Variants in ZNF316 observed in about 807,000 individuals in gnomAD.
ZNF316 encodes the protein zinc finger protein 316.
Under a neutral mutation model 75.6 loss-of-function variants are expected in ZNF316, and 23 were observed. The ratio of observed to expected loss-of-function variants is 0.30; its 90% CI spans 0.22 to 0.43. ZNF316 has a LOEUF of 0.43. Ranked by LOEUF, ZNF316 falls within the 20% of genes least tolerant of loss-of-function variation. ZNF316 has a pLI of 1.00. For synonymous variants in ZNF316, 827 were observed against 666.2 expected (o/e 1.24, Z -3.72); for missense variants, 1,266 against 1,409.4 (o/e 0.90, Z 1.63).
rs2115323426 is a variant in ZNF316, at chr7:6,655,160, A to T, written c.*549A>T. The T allele has an allele frequency of 1.3e-5, 2 of 152,346 alleles. No homozygotes were observed. Among genetic ancestry groups the T allele is most frequent in the East Asian group, 3.9e-4 (2 of 5,162 alleles). The allele number at this position is 152,346 out of a possible 1,614,324, so 9.4% of individuals were successfully genotyped here. ...TGCGCGCGGCGAGGGGAGGCCTTGTAGGTTTCCAAAGGGCGGAGCTCCAGT... is the reference window on the plus strand; with the variant it reads ...TGCGCGCGGCGAGGGGAGGCCTTGTTGGTTTCCAAAGGGCGGAGCTCCAGT... On this transcript the variant is annotated 3_prime_UTR_variant, in exon 9 of 9. Coordinates refer to ENST00000382252, the MANE Select transcript of ZNF316 (RefSeq NM_001278559.2).
In ZNF316 at chr7:6,652,621, G is replaced by A; in HGVS notation, c.1025G>A (p.Arg342Lys). Residue 342 changes from arginine to lysine, a missense_variant, in exon 9 of 9, where the codon AGG becomes AAG. Coordinates refer to ENST00000382252, the MANE Select transcript of ZNF316 (RefSeq NM_001278559.2). ...FPAAVAPPAG[R>K]PETTCDVCGK... is the part of the protein sequence containing the mutation. The stretch of plus-strand genomic sequence containing the variant: ...GCCGCAGTGGCCCCGCCGGCCGGGA[G>A]GCCGGAGACCACGTGCGACGTGTGC... The A allele has an allele frequency of 1.6e-6, 2 of 1,230,446 alleles. No individual in the cohort carries two copies. The highest frequency in any genetic ancestry group is 3.2e-5 in the East Asian group (1 of 31,608). The allele number at this position is 1,230,446 out of a possible 1,614,324, so 76.2% of individuals were successfully genotyped here. A position where few individuals can be genotyped will look rare whatever the true frequency, so the allele number is the denominator to read the frequency against.
Position 6,656,123 on chromosome 7 carries a change from G to C in ZNF316, c.*1512G>C, listed in dbSNP as rs1356315355. ...TAGTTGGTGGGTGGGAAGAGGGCCTGGGTGGTGGCGGTCAGTTAGCCTGGC... is the reference window on the plus strand; with the variant it reads ...TAGTTGGTGGGTGGGAAGAGGGCCTCGGTGGTGGCGGTCAGTTAGCCTGGC... On this transcript the variant is annotated 3_prime_UTR_variant, in exon 9 of 9. Transcript: ENST00000382252. 6.6e-6 allele frequency: 1 copy of C among 152,638 alleles called. No individual in the cohort carries two copies. Among genetic ancestry groups the C allele is most frequent in the East Asian group, 1.9e-4 (1 of 5,202 alleles). The allele number at this position is 152,638 out of a possible 1,614,324, so 9.5% of individuals were successfully genotyped here.
chr7:6,654,014 A>C lies in ZNF316; in HGVS notation c.2418A>C (p.Gly806=). The C allele has an allele frequency of 1.7e-6, 2 of 1,189,350 alleles. No homozygotes were observed. Among genetic ancestry groups the C allele is most frequent in the Non-Finnish European group, 2.1e-6 (2 of 961,292 alleles). 73.7% of individuals were successfully genotyped at this position (1,189,350 alleles called of 1,614,324 possible). The change falls in exon 9 of 9, where the codon GGA becomes GGC. Residue 806 remains glycine (G), a synonymous_variant. Coordinates refer to ENST00000382252, the MANE Select transcript of ZNF316 (RefSeq NM_001278559.2). ...AHTGERPYAC[G]ECGRRFGQSA... ...CCGGGGAGCGGCCTTACGCGTGTGG[A>C]GAGTGCGGCCGGCGCTTCGGGCAGA... is the stretch of plus-strand genomic sequence containing the variant.
At chr7:6,649,480 G>A (rs146617110) in intron 8 of ZNF316, among the ~76,000 whole-genome samples, 210 of 152,310 alleles carry the variant, frequency 1.4e-3, no homozygotes, top group African/African-American at 4.8e-3. Context: ...GCCTGACTTA[G>A]ATCTGGAAAA....
In ZNF316 at chr7:6,652,596, G is replaced by A. The variant is rs572839621; in HGVS notation, c.1000G>A (p.Ala334Thr). The change falls in exon 9 of 9, where the codon GCC (alanine) becomes ACC (threonine). Residue 334 changes from alanine to threonine, a missense_variant. This residue lies in a region of ZNF316 where 961 missense variants were observed against 990.9 expected (regional missense o/e 0.97). Coordinates refer to ENST00000382252, the MANE Select transcript of ZNF316 (RefSeq NM_001278559.2). ...CCTGCTGTCGCCCTGGGCGTTCCCC[G>A]CCGCAGTGGCCCCGCCGGCCGGGAG... The part of the protein sequence containing the change: ...ANLLSPWAFP[A>T]AVAPPAGRPE... 123 of 1,230,452 alleles carry A rather than the reference G, an allele frequency of 1.0e-4. No individual in the cohort carries two copies. Among genetic ancestry groups the A allele is most frequent in the Non-Finnish European group, 1.2e-4 (122 of 987,048 alleles). 76.2% of individuals were successfully genotyped at this position (1,230,452 alleles called of 1,614,324 possible).
Position 6,652,575 on chromosome 7 carries a change from C to T in ZNF316, c.979C>T (p.Leu327=). ...LPGREPGANL[L]SPWAFPAAVA... ...CGGCCGGGAGCCGGGTGCGAACCTG[C>T]TGTCGCCCTGGGCGTTCCCCGCCGC... is the stretch of plus-strand genomic sequence containing the variant. The change falls in exon 9 of 9, where the codon CTG becomes TTG. Residue 327 remains leucine, a synonymous_variant. Transcript: ENST00000382252. 1 of 1,230,870 alleles carries T rather than the reference C, an allele frequency of 8.1e-7. No individual in the cohort carries two copies. Among genetic ancestry groups the T allele is most frequent in the Non-Finnish European group, 1.0e-6 (1 of 987,308 alleles). 76.2% of individuals were successfully genotyped at this position (1,230,870 alleles called of 1,614,324 possible). A position where few individuals can be genotyped will look rare whatever the true frequency, so the allele number is the denominator to read the frequency against.
chr7:6,646,072 C>G (rs1171300821), intron 8 of ZNF316, among the ~76,000 whole-genome samples: 6 of 152,004 alleles, frequency 3.9e-5, no homozygotes, highest in African/African-American at 1.5e-4. Flanking sequence ...GAAACGGCCC[C>G]CATGATCTGA....
At position 6,652,176 on chromosome 7, in the gene ZNF316, C is replaced by G. The variant is rs180763767; in HGVS notation, c.707-127C>G. ...GCTCACTTGGTGAAAGGAGGTGCCC[C>G]GTCCGACTGAAGGAAGGTCCTGCTG... On this transcript the variant is annotated intron_variant, in intron 8 of 8. Transcript: ENST00000382252. 402 of 880,726 alleles carry G rather than the reference C, an allele frequency of 4.6e-4. No individual in the cohort carries two copies. In the African/African-American group the frequency reaches 6.2e-3, roughly 14 times the overall value. 54.6% of individuals were successfully genotyped at this position (880,726 alleles called of 1,614,324 possible). A position where few individuals can be genotyped will look rare whatever the true frequency, so the allele number is the denominator to read the frequency against.
intron 8 of ZNF316, among the ~76,000 whole-genome samples, chr7:6,649,899 C>T (rs915971030): frequency 5.3e-5 from 8 of 152,174 alleles, no homozygotes; most frequent in African/African-American, 1.2e-4. Flanking sequence ...TTCCCTGCTG[C>T]GATCAGGATC....
intron 8 of ZNF316, among the ~76,000 whole-genome samples, chr7:6,649,712 C>T (rs1366204245): frequency 2.0e-5 from 3 of 152,166 alleles, no homozygotes; most frequent in Non-Finnish European, 4.4e-5. Context: ...GATGTCCTTC[C>T]CCTCCTGCAC....
Position 6,654,992 on chromosome 7 carries a change from T to G in ZNF316, c.*381T>G. 1 of 154,530 alleles carries G rather than the reference T, an allele frequency of 6.5e-6. No homozygotes were observed. Among genetic ancestry groups the G allele is most frequent in the East Asian group, 1.9e-4 (1 of 5,294 alleles). The allele number at this position is 154,530 out of a possible 1,614,324, so 9.6% of individuals were successfully genotyped here. A position where few individuals can be genotyped will look rare whatever the true frequency, so the allele number is the denominator to read the frequency against. On this transcript the variant is annotated 3_prime_UTR_variant, in exon 9 of 9. Transcript: ENST00000382252. ...GGATTTGTGTGTTTGCAACCGGGTG[T>G]GGCGGCGAGGGAGGGGCCCGGCCAC...
intron 8 of ZNF316, among the ~76,000 whole-genome samples, chr7:6,651,855 C>T (rs1009838964): frequency 6.6e-6 from 1 of 152,192 alleles, no homozygotes; most frequent in Non-Finnish European, 1.5e-5. Context: ...GCCAGGGAGG[C>T]GGAGTTCTCC....
Position 6,652,457 on chromosome 7 carries a change from C to T in ZNF316, c.861C>T (p.Asp287=). The T allele has an allele frequency of 8.1e-7, 1 of 1,231,880 alleles. No individual in the cohort carries two copies. Among genetic ancestry groups the T allele is most frequent in the Non-Finnish European group, 1.0e-6 (1 of 987,812 alleles). The allele number at this position is 1,231,880 out of a possible 1,614,324, so 76.3% of individuals were successfully genotyped here. The change falls in exon 9 of 9, where the codon GAC becomes GAT. Residue 287 remains aspartate (D), a synonymous_variant. Coordinates refer to ENST00000382252, the MANE Select transcript of ZNF316 (RefSeq NM_001278559.2). ...TGCCTGGGACGTGGGGGCCCGACGA[C>T]TCGGATTCGGCGCAGACTCCAGAGG... ...GDVPGTWGPD[D]SDSAQTPEGW... is the part of the protein sequence containing the mutation.
Position 6,652,640 on chromosome 7 carries a change from C to G in ZNF316, c.1044C>G (p.Asp348Glu), listed in dbSNP as rs1010876773. 4.3e-5 allele frequency: 53 copies of G among 1,230,776 alleles called. No homozygotes were observed. In the East Asian group the frequency reaches 1.6e-3, roughly 37 times the overall value. The allele number at this position is 1,230,776 out of a possible 1,614,324, so 76.2% of individuals were successfully genotyped here. Residue 348 changes from aspartate (D) to glutamate (E), a missense_variant, in exon 9 of 9, where the codon GAC (aspartate) becomes GAG (glutamate). Physicochemically the swap from Asp to Glu is conservative, Grantham distance 45 (BLOSUM62 2). Around this residue, in one of 3 missense-constraint regions of ZNF316, gnomAD observed 961 missense variants for 990.9 expected, o/e 0.97. Coordinates refer to ENST00000382252, the MANE Select transcript of ZNF316 (RefSeq NM_001278559.2). ...CCGGGAGGCCGGAGACCACGTGCGA[C>G]GTGTGCGGCAAGGTCTTCCCGCACC... ...PPAGRPETTC[D>E]VCGKVFPHRS... is the part of the protein sequence containing the mutation.
rs1779298585 is a variant in ZNF316 at position 6,640,750 on chromosome 7, A to T, written c.-166-1075A>T. Among the ~76,000 whole-genome samples, 1 of 152,168 alleles carries T rather than the reference A, an allele frequency of 6.6e-6. No individual in the cohort carries two copies. The highest frequency in any genetic ancestry group is 2.4e-5 in the African/African-American group (1 of 41,458). On this transcript the variant is annotated intron_variant, in intron 3 of 8. Coordinates refer to ENST00000382252, the MANE Select transcript of ZNF316 (RefSeq NM_001278559.2). The surrounding 1 kb of genome is among the most constrained non-coding windows in gnomAD (Gnocchi z 5.1). ...GGGCCTGGTGGGAGGGGATTGGCCC[A>T]TGGAGGCGGATCCCTCATGAATGGT...
chr7:6,654,504 G>A lies in ZNF316; in HGVS notation c.2908G>A (p.Glu970Lys). ...AKGPSSAGPGERGSALLEFAG... is the reference protein window; with the variant it reads ...AKGPSSAGPGKRGSALLEFAG... Reference sequence around the variant, plus strand: ...GGGGCCGTCCAGTGCCGGCCCCGGTGAGCGCGGCAGCGCCCTGCTGGAGTT... The same window carrying A: ...GGGGCCGTCCAGTGCCGGCCCCGGTAAGCGCGGCAGCGCCCTGCTGGAGTT... The change falls in exon 9 of 9, where the codon GAG becomes AAG. Residue 970 changes from glutamate (E) to lysine (K), a missense_variant. Transcript: ENST00000382252. 1 of 1,177,104 alleles carries A rather than the reference G, an allele frequency of 8.5e-7. No homozygotes were observed. The highest frequency in any genetic ancestry group is 1.0e-6 in the Non-Finnish European group (1 of 953,034). The allele number at this position is 1,177,104 out of a possible 1,614,324, so 72.9% of individuals were successfully genotyped here.
At position 6,644,353 on chromosome 7, in the gene ZNF316, G is replaced by C. The variant is rs539860486; in HGVS notation, c.593-127G>C. 2.0e-5 allele frequency: 9 copies of C among 450,322 alleles called. No homozygotes were observed. In the South Asian group the frequency reaches 1.1e-3, roughly 55 times the overall value. The allele number at this position is 450,322 out of a possible 1,614,324, so 27.9% of individuals were successfully genotyped here. A position where few individuals can be genotyped will look rare whatever the true frequency, so the allele number is the denominator to read the frequency against. On this transcript the variant is annotated intron_variant, in intron 7 of 8. Coordinates refer to ENST00000382252, the MANE Select transcript of ZNF316 (RefSeq NM_001278559.2). ...GGGACCGCCTGGACCCTCCAGAGCA[G>C]GGGTGTGGGAGGGCTGGTGCTGGGA...
intron 8 of ZNF316, among the ~76,000 whole-genome samples, chr7:6,650,215 C>T (rs1207622991): frequency 6.6e-6 from 1 of 152,186 alleles, no homozygotes; most frequent in Non-Finnish European, 1.5e-5. Flanking sequence ...GGCTGGGGTG[C>T]AGCAGCCTTC....
At chr7:6,651,883 C>A (rs1159729984) in intron 8 of ZNF316, among the ~76,000 whole-genome samples, 1 of 152,250 alleles carries the variant, frequency 6.6e-6, no homozygotes, top group African/African-American at 2.4e-5. Context: ...TTGGGGAAAA[C>A]TGCCCCAGCG....
Sources: gnomAD v4.1 joint callset for allele counts (sites outside exome capture counted in the v4.1 genomes callset) on GRCh38, gnomAD v4.1.1 for gene constraint, gnomAD v4.1.1 regional missense constraint, Gnocchi (gnomAD v3.1) non-coding constraint, MANE v1.5 for transcripts, NCBI Gene and HGNC (gene_info 2026-07-23, HGNC 2026-07-21) for gene names.